DAGLA: variants seen among roughly 807,000 people sequenced by gnomAD.
DAGLA encodes diacylglycerol lipase alpha, also known as diacylglycerol lipase-alpha.
DAGLA carries 22 observed loss-of-function variants against 102.6 expected under a neutral mutation model. The observed-to-expected ratio is 0.21, with a 90% CI of 0.15 to 0.31. The LOEUF is 0.31. Ranked by LOEUF, DAGLA falls within the 10% of genes least tolerant of loss-of-function variation. The probability of loss-of-function intolerance (pLI) is 1.00; values close to 1 mark genes in which losing one functional copy is unlikely to be tolerated. For missense variants in DAGLA, 927 were observed against 1,446.6 expected (o/e 0.64, Z 5.83); for synonymous variants, 578 against 628.9 (o/e 0.92, Z 1.21).
At chr11:61,731,509 ACCGGG>A in intron 9 of DAGLA, 68 bp downstream of exon 9, 2 of 1,594,112 alleles carry the variant, frequency 1.3e-6, no homozygotes, top group Non-Finnish European at 1.7e-6. Context: ...AGGAAGGGCT[ACCGGG>A]CTGCGCCTAC....
intron 1 of DAGLA, among the ~76,000 whole-genome samples, chr11:61,682,873 T>G (rs577053175): frequency 6.7e-6 from 1 of 149,876 alleles, no homozygotes; most frequent in African/African-American, 2.5e-5. Context: ...GTGTGGAGGA[T>G]GCCCTCAGAC....
At position 61,734,873 on chromosome 11, in the gene DAGLA, G is replaced by T; in HGVS notation, c.999G>T (p.Pro333=). ...GGTGTTGCCTGTGTCCTGCGAGGCC[G>T]CGGTTCGCCCCTGGAGTCACCATCG... ...SCSCCLCPAR[P]RFAPGVTIEE... Residue 333 remains proline (P), a synonymous_variant, in exon 10 of 20, where the codon CCG becomes CCT. Transcript: ENST00000257215. The surrounding 1 kb of genome is among the most constrained non-coding windows in gnomAD (Gnocchi z 4.2). 6.2e-7 allele frequency: 1 copy of T among 1,613,812 alleles called. No homozygotes were observed. Among genetic ancestry groups the T allele is most frequent in the South Asian group, 1.1e-5 (1 of 91,078 alleles).
rs747292480 is a variant in DAGLA at position 61,740,422 on chromosome 11, C to G, written c.1854-41C>G. ...GGCCCTGGCACCGAGGGCCAGGCCA[C>G]CACCCCACCCTTAACTCCCCTCTGT... On this transcript the variant is annotated intron_variant, in intron 17 of 19. Transcript: ENST00000257215. The G allele has an allele frequency of 2.5e-6, 4 of 1,600,896 alleles. No homozygotes were observed. In the East Asian group the frequency reaches 9.0e-5, roughly 36 times the overall value.
intron 1 of DAGLA, among the ~76,000 whole-genome samples, chr11:61,697,445 G>T (rs1297056367): frequency 1.3e-5 from 2 of 152,144 alleles, no homozygotes; most frequent in Non-Finnish European, 1.5e-5. Flanking sequence ...TGAGCCCCAG[G>T]TGGTGCCAAG....
At chr11:61,687,111 C>T (rs2064991426) in intron 1 of DAGLA, among the ~76,000 whole-genome samples, 1 of 152,288 alleles carries the variant, frequency 6.6e-6, no homozygotes, top group Admixed American at 6.5e-5. Flanking sequence ...TTACTCCTTG[C>T]AACAGCAACC....
intron 1 of DAGLA, among the ~76,000 whole-genome samples, chr11:61,707,699 C>T (rs553630569): frequency 6.6e-6 from 1 of 152,316 alleles, no homozygotes; most frequent in South Asian, 2.1e-4. Context: ...GAGGCCATGT[C>T]GGGGCGGAGT....
chr11:61,691,665 T>G (rs2065025940), intron 1 of DAGLA, among the ~76,000 whole-genome samples: 1 of 152,242 alleles, frequency 6.6e-6, no homozygotes, highest in Non-Finnish European at 1.5e-5. Flanking sequence ...AGCAGTTGAT[T>G]TGACCTCCTC....
chr11:61,743,975 G>C lies in DAGLA; in HGVS notation c.2615G>C (p.Ser872Thr). The change falls in exon 20 of 20, where the codon AGT becomes ACT. Residue 872 changes from serine (S) to threonine (T), a missense_variant. Physicochemically the swap from Ser to Thr is moderately conservative, Grantham distance 58. Coordinates refer to ENST00000257215, the MANE Select transcript of DAGLA (RefSeq NM_006133.3). The stretch of plus-strand genomic sequence containing the variant: ...GGCGTCACTCCTGAGCGGCCCCCCA[G>C]TGCTGCGGCCAATGACGAGGAGGAA... ...SGGVTPERPP[S>T]AAANDEEEEV... The C allele has an allele frequency of 1.9e-6, 3 of 1,611,954 alleles. No homozygotes were observed. The highest frequency in any genetic ancestry group is 2.5e-6 in the Non-Finnish European group (3 of 1,179,688).
In DAGLA at chr11:61,744,503, T is replaced by C; in HGVS notation, c.*14T>C. 6.5e-7 allele frequency: 1 copy of C among 1,528,856 alleles called. No individual in the cohort carries two copies. The allele number at this position is 1,528,856 out of a possible 1,614,324, so 94.7% of individuals were successfully genotyped here. A position where few individuals can be genotyped will look rare whatever the true frequency, so the allele number is the denominator to read the frequency against. On this transcript the variant is annotated 3_prime_UTR_variant, in exon 20 of 20. Coordinates refer to ENST00000257215, the MANE Select transcript of DAGLA (RefSeq NM_006133.3). ...TCAGCACGCTAGCACCCCAGTTGCG[T>C]GGCCAGCCGGGCCCAGGCAGGAGCA...
chr11:61,694,627 G>A (rs2065049404), intron 1 of DAGLA, among the ~76,000 whole-genome samples: 1 of 152,182 alleles, frequency 6.6e-6, no homozygotes, highest in Non-Finnish European at 1.5e-5. Flanking sequence ...CCCCTGCCAG[G>A]CTTTGTGTCT....
intron 13 of DAGLA, 36 bp downstream of exon 13, chr11:61,736,386 C>T (rs759243458): frequency 1.6e-5 from 24 of 1,527,554 alleles, no homozygotes; most frequent in Non-Finnish European, 2.0e-5. Flanking sequence ...CCTTTTCACA[C>T]CTGGGTCCCC....
At chr11:61,741,607 CTT>C (rs34881719) in intron 19 of DAGLA, among the ~76,000 whole-genome samples, 10 of 132,008 alleles carry the variant, frequency 7.6e-5, no homozygotes, top group African/African-American at 1.4e-4. Context: ...CAGATTCACT[CTT>C]TTTTTTTTTT....
At chr11:61,698,854 G>A (rs941044757) in intron 1 of DAGLA, among the ~76,000 whole-genome samples, 7 of 152,220 alleles carry the variant, frequency 4.6e-5, no homozygotes, top group African/African-American at 9.6e-5. Context: ...GGGGGTTGGC[G>A]GGCCCTGGCA....
chr11:61,716,674 G>A (rs898967876), intron 1 of DAGLA, among the ~76,000 whole-genome samples: 2 of 152,202 alleles, frequency 1.3e-5, no homozygotes, highest in Admixed American at 6.5e-5. Context: ...ACCGCCTGTC[G>A]CTGCCGCCCG....
At chr11:61,682,713 A>G (rs964382888) in intron 1 of DAGLA, among the ~76,000 whole-genome samples, 1 of 152,050 alleles carries the variant, frequency 6.6e-6, no homozygotes, top group African/African-American at 2.4e-5. Flanking sequence ...GGGTTCTGAG[A>G]ACGGGGGTGG....
intron 1 of DAGLA, among the ~76,000 whole-genome samples, chr11:61,696,397 C>G (rs903395373): frequency 3.3e-5 from 5 of 152,138 alleles, no homozygotes; most frequent in Non-Finnish European, 7.4e-5. Flanking sequence ...CCCAGCCGTC[C>G]GTCCGTCAAG....
At chr11:61,714,395 C>T (rs10897173) in intron 1 of DAGLA, among the ~76,000 whole-genome samples, 28,831 of 152,228 alleles carry the variant, frequency 0.19, 3,224 homozygotes, top group East Asian at 0.35. Context: ...GGGACTCCAC[C>T]GCTGGAGGCA....
intron 1 of DAGLA, among the ~76,000 whole-genome samples, chr11:61,687,448 C>T (rs1337282924): frequency 1.3e-5 from 2 of 152,144 alleles, no homozygotes; most frequent in Non-Finnish European, 2.9e-5. Context: ...TCTCATGCCT[C>T]AGCCTCCCTA....
At chr11:61,694,770 T>C (rs1374419279) in intron 1 of DAGLA, among the ~76,000 whole-genome samples, 1 of 152,144 alleles carries the variant, frequency 6.6e-6, no homozygotes, top group Admixed American at 6.5e-5. Flanking sequence ...AGTAAACCCA[T>C]GGGATTCATG....
Sources: gnomAD v4.1 joint callset for allele counts (sites outside exome capture counted in the v4.1 genomes callset) on GRCh38, gnomAD v4.1.1 for gene constraint, Gnocchi (gnomAD v3.1) non-coding constraint, MANE v1.5 for transcripts, NCBI Gene and HGNC (gene_info 2026-07-23, HGNC 2026-07-21) for gene names.